TANC2: variants seen among roughly 807,000 people sequenced by gnomAD.
TANC2 encodes tetratricopeptide repeat, ankyrin repeat and coiled-coil containing 2.
In TANC2, 26 loss-of-function variants were observed where a neutral mutation model predicts 210.5. The ratio of observed to expected loss-of-function variants is 0.12; its 90% CI spans 0.09 to 0.17. The LOEUF is 0.17. Ranked by LOEUF, TANC2 falls within the 10% of genes least tolerant of loss-of-function variation. TANC2 has a pLI of 1.00. For missense variants in TANC2, 2,129 were observed against 2,608.9 expected, an observed-to-expected ratio of 0.82 and a Z score of 4.01; for synonymous variants, 931 against 967.1, an observed-to-expected ratio of 0.96 and a Z score of 0.69.
intron 2 of TANC2, among the ~76,000 whole-genome samples, chr17:63,034,467 C>T (rs2034894587): frequency 6.6e-6 from 1 of 152,140 alleles, no homozygotes; most frequent in African/African-American, 2.4e-5. Flanking sequence ...TATTCTTCAG[C>T]CATGGATCAA....
chr17:63,411,280 T>C (rs895913935), intron 21 of TANC2, among the ~76,000 whole-genome samples: 8 of 152,332 alleles, frequency 5.3e-5, no homozygotes, highest in African/African-American at 1.9e-4. Flanking sequence ...AGGAATAGAC[T>C]GTGGATGACC....
At chr17:63,218,609 G>A (rs2042085475) in intron 7 of TANC2, among the ~76,000 whole-genome samples, 1 of 152,048 alleles carries the variant, frequency 6.6e-6, no homozygotes, top group South Asian at 2.1e-4. Context: ...AGAAACTAGT[G>A]AGTTAGCTGG....
At chr17:62,976,081 T>A (rs1283369790) in intron 1 of TANC2, among the ~76,000 whole-genome samples, 1 of 152,174 alleles carries the variant, frequency 6.6e-6, no homozygotes, top group African/African-American at 2.4e-5. Context: ...TGATAAAAGC[T>A]GAGAGAAAGA....
chr17:63,368,143 G>A lies in TANC2; in HGVS notation c.2583-11575G>A, dbSNP rs543112237. Among the ~76,000 whole-genome samples, 90 of 152,298 alleles carry A rather than the reference G, an allele frequency of 5.9e-4. No homozygotes were observed. The South Asian group carries it at 0.018, about 31-fold the overall frequency. On this transcript the variant is annotated intron_variant, in intron 14 of 27. Coordinates refer to ENST00000689528, the Ensembl canonical transcript of TANC2. ...TCTTTTTTTATATGGTATGTGAAAG[G>A]TCAGGACAGAGGGATCAAAAGTGAC...
rs1273820841 is a variant in TANC2 at position 62,966,317 on chromosome 17, C to T, written c.-456C>T. 6.8e-6 allele frequency among the ~76,000 whole-genome samples: 1 copy of T among 146,406 alleles called. No homozygotes were observed. Among genetic ancestry groups the T allele is most frequent in the Non-Finnish European group, 1.5e-5 (1 of 65,838 alleles). On this transcript the variant is annotated 5_prime_UTR_variant, in exon 1 of 28. Coordinates refer to ENST00000689528, the Ensembl canonical transcript of TANC2. This position sits in a 1 kb window ranked among gnomAD's most constrained non-coding sequence, Gnocchi z 5.1. Reference sequence around the variant, plus strand: ...GGCCCGCTGGCACAGCCGCCTCGCGCGAGCCGCCCGCCCGGCGGGGGAAGC... The same window carrying T: ...GGCCCGCTGGCACAGCCGCCTCGCGTGAGCCGCCCGCCCGGCGGGGGAAGC...
intron 15 of TANC2, among the ~76,000 whole-genome samples, chr17:63,383,973 A>G (rs1420901316): frequency 6.6e-6 from 1 of 152,200 alleles, no homozygotes; most frequent in African/African-American, 2.4e-5. Context: ...CAGTATAGCA[A>G]GCATGGTAAT....
chr17:63,109,127 T>C (rs2037936677), intron 4 of TANC2, among the ~76,000 whole-genome samples: 1 of 151,606 alleles, frequency 6.6e-6, no homozygotes, highest in South Asian at 2.1e-4. Context: ...TTGAATACTT[T>C]TATTAGAAAA....
intron 14 of TANC2, among the ~76,000 whole-genome samples, chr17:63,370,320 A>C (rs1004644892): frequency 1.3e-5 from 2 of 151,850 alleles, no homozygotes; most frequent in African/African-American, 4.8e-5. Flanking sequence ...CTGAGACTAC[A>C]GGCATCCGCC....
intron 11 of TANC2, among the ~76,000 whole-genome samples, chr17:63,330,084 A>T (rs985694677): frequency 1.3e-5 from 2 of 152,238 alleles, no homozygotes; most frequent in African/African-American, 4.8e-5. Context: ...ATACAGAGAA[A>T]ATTTTAGTGG....
intron 7 of TANC2, among the ~76,000 whole-genome samples, chr17:63,209,694 A>G (rs1237483494): frequency 2.0e-5 from 3 of 152,122 alleles, no homozygotes; most frequent in African/African-American, 7.2e-5. Context: ...TGGCCTCCCA[A>G]AGTGCTGGGA....
intron 15 of TANC2, among the ~76,000 whole-genome samples, chr17:63,387,357 G>C (rs2047818591): frequency 6.6e-6 from 1 of 152,074 alleles, no homozygotes; most frequent in African/African-American, 2.4e-5. Context: ...ACCCACTTTA[G>C]AGACCCTGAA....
chr17:63,053,768 C>T (rs2035668138), intron 2 of TANC2, among the ~76,000 whole-genome samples: 1 of 152,212 alleles, frequency 6.6e-6, no homozygotes, highest in Non-Finnish European at 1.5e-5. Context: ...TCTTTCCTGT[C>T]TTAGTAAGTT....
intron 4 of TANC2, among the ~76,000 whole-genome samples, chr17:63,122,620 CCAGCTACT>C (rs1481559838): frequency 2.6e-5 from 4 of 152,072 alleles, no homozygotes; most frequent in Admixed American, 6.5e-5. Context: ...GCCTGTAATC[CCAGCTACT>C]TGGGTGGCAC....
Position 63,154,254 on chromosome 17 carries a change from T to A in TANC2, c.433+2874T>A, listed in dbSNP as rs1486540483. On this transcript the variant is annotated intron_variant, in intron 5 of 27. Coordinates refer to ENST00000689528, the Ensembl canonical transcript of TANC2. ...AGATCTAGAGAATTCAAGTGATTTG[T>A]CTAGGGTCACAAGCAGGATTTGTTG... 4.6e-5 allele frequency: 7 copies of A among 152,156 alleles called. No homozygotes were observed. In the East Asian group the frequency reaches 1.3e-3, roughly 29 times the overall value. The allele number at this position is 152,156 out of a possible 1,614,324, so 9.4% of individuals were successfully genotyped here. A position where few individuals can be genotyped will look rare whatever the true frequency, so the allele number is the denominator to read the frequency against.
intron 12 of TANC2, among the ~76,000 whole-genome samples, chr17:63,345,572 T>A (rs1205222117): frequency 7.2e-6 from 1 of 138,536 alleles, no homozygotes; most frequent in Non-Finnish European, 1.5e-5. Context: ...TGAGCTGAGA[T>A]CATGCCATTG....
Position 63,312,375 on chromosome 17 carries a change from A to G in TANC2, c.1160-2013A>G, listed in dbSNP as rs1431692332. Among the ~76,000 whole-genome samples the G allele has an allele frequency of 3.3e-5, 5 of 152,316 alleles. No homozygotes were observed. In the East Asian group the frequency reaches 5.8e-4, roughly 18 times the overall value. The stretch of plus-strand genomic sequence containing the variant: ...TGGTGCATATGCACCATGGAATACT[A>G]TATAGCCATAAAAAAGAATGGAATC... On this transcript the variant is annotated intron_variant, in intron 9 of 27. Transcript: ENST00000689528.
chr17:63,238,981 A>G, intron 8 of TANC2, among the ~76,000 whole-genome samples: 1 of 152,074 alleles, frequency 6.6e-6, no homozygotes, highest in East Asian at 1.9e-4. Context: ...TGGGGATTAC[A>G]ATTCGAGATA....
chr17:63,372,470 A>G (rs188081747), intron 14 of TANC2, among the ~76,000 whole-genome samples: 2 of 152,290 alleles, frequency 1.3e-5, no homozygotes, highest in Admixed American at 6.5e-5. Context: ...TCATCTTCCT[A>G]TATGTTTAAA....
At chr17:62,975,415 G>A (rs2031943737) in intron 1 of TANC2, among the ~76,000 whole-genome samples, 1 of 152,142 alleles carries the variant, frequency 6.6e-6, no homozygotes, top group African/African-American at 2.4e-5. Context: ...GTGAATTAGT[G>A]TGAATGAATG....
Sources: gnomAD v4.1 joint callset for allele counts (sites outside exome capture counted in the v4.1 genomes callset) on GRCh38, gnomAD v4.1.1 for gene constraint, Gnocchi (gnomAD v3.1) non-coding constraint, MANE v1.5 for transcripts, NCBI Gene and HGNC (gene_info 2026-07-23, HGNC 2026-07-21) for gene names.